The following SNX10 variants were observed in gnomAD, a reference collection of about 807,000 sequenced individuals.
The protein encoded by SNX10 is sorting nexin-10.
Under a neutral mutation model 28.5 loss-of-function variants are expected in SNX10, and 25 were observed. The observed-to-expected ratio is 0.88, with a 90% CI of 0.64 to 1.22. The LOEUF (loss-of-function observed/expected upper bound fraction) is 1.22, where lower values mean the gene tolerates loss of function less well. Ranked by LOEUF, SNX10 falls within the 50% of genes most tolerant of loss-of-function variation. The pLI is 0.00. For missense variants in SNX10, 223 were observed against 242.6 expected (o/e 0.92, Z 0.54); for synonymous variants, 62 against 81.4 (o/e 0.76, Z 1.28).
intron 3 of SNX10, among the ~76,000 whole-genome samples, chr7:26,363,328 A>G (rs2698719): frequency 0.22 from 33,829 of 152,166 alleles, 4,403 homozygotes; most frequent in East Asian, 0.32. Context: ...ACCATGTCAT[A>G]TATTTCATGA....
chr7:26,336,637 G>A (rs766793258), intron 1 of SNX10, among the ~76,000 whole-genome samples: 4 of 152,182 alleles, frequency 2.6e-5, no homozygotes, highest in Admixed American at 6.5e-5. Flanking sequence ...CCCAGGAGGC[G>A]GAGGTTGCAG....
chr7:26,372,401 A>G, intron 6 of SNX10, 90 bp from the exon 7 acceptor site: 1 of 829,920 alleles, frequency 1.2e-6, no homozygotes, highest in Non-Finnish European at 2.1e-6. Flanking sequence ...ACTGGAGATA[A>G]TTAAAGTTCT....
chr7:26,360,993 G>A lies in SNX10; in HGVS notation c.43G>A (p.Val15Ile), dbSNP rs1329294019. The A allele has an allele frequency of 6.2e-7, 1 of 1,613,058 alleles. No homozygotes were observed. The highest frequency in any genetic ancestry group is 1.1e-5 in the South Asian group (1 of 91,012). The part of the protein sequence containing the change: ...QQKEEFVSVW[V>I]RDPRIQKEDF... ...ATTACAGGAATTTGTAAGTGTCTGG[G>A]TTCGAGATCCTAGGATTCAGAAGGA... is the stretch of plus-strand genomic sequence containing the variant. Residue 15 changes from valine to isoleucine, a missense_variant, in exon 3 of 7, where the codon GTT becomes ATT. Transcript: ENST00000338523.
chr7:26,330,168 G>A (rs1383221733), intron 1 of SNX10, among the ~76,000 whole-genome samples: 4 of 152,012 alleles, frequency 2.6e-5, no homozygotes, highest in South Asian at 2.1e-4. Context: ...GCAAGAGCCC[G>A]GAATGTTAGG....
rs865884935 is a variant in SNX10 at position 26,360,792 on chromosome 7, G to A, written c.25-183G>A. ...AAAAATTCCATTATGTGGCAAAAGT[G>A]TGTTCTAGATTTGCTCGTGGTGCCT... On this transcript the variant is annotated intron_variant, in intron 2 of 6. Coordinates refer to ENST00000338523, the MANE Select transcript of SNX10 (RefSeq NM_013322.3). 99 of 984,024 alleles carry A rather than the reference G, an allele frequency of 1.0e-4. No homozygotes were observed. The South Asian group carries it at 2.2e-3, about 22-fold the overall frequency. 61.0% of individuals were successfully genotyped at this position (984,024 alleles called of 1,614,324 possible). A position where few individuals can be genotyped will look rare whatever the true frequency, so the allele number is the denominator to read the frequency against.
At chr7:26,313,404 T>C (rs1201617795) in intron 1 of SNX10, among the ~76,000 whole-genome samples, 3 of 152,218 alleles carry the variant, frequency 2.0e-5, no homozygotes, top group African/African-American at 4.8e-5. Context: ...TTCTTCCCAA[T>C]GCTGTTGCTT....
intron 2 of SNX10, among the ~76,000 whole-genome samples, chr7:26,349,508 G>A (rs979835528): frequency 1.3e-5 from 2 of 152,200 alleles, no homozygotes; most frequent in East Asian, 1.9e-4. Context: ...ATTCCCAGGA[G>A]AGCAGTATCC....
In SNX10 at chr7:26,364,663, A is replaced by G. The variant is rs751952341; in HGVS notation, c.212+28A>G. On this transcript the variant is annotated intron_variant, in intron 4 of 6. Transcript: ENST00000338523. The surrounding 1 kb of genome is among the most constrained non-coding windows in gnomAD (Gnocchi z 4.9). Reference sequence around the variant, plus strand: ...AAGTGATTTAGAGTATACTGTGGAGACTTTGTCATTATATTCAGTATTTAA... The same window carrying G: ...AAGTGATTTAGAGTATACTGTGGAGGCTTTGTCATTATATTCAGTATTTAA... 8 of 1,487,904 alleles carry G rather than the reference A, an allele frequency of 5.4e-6. No individual in the cohort carries two copies. Among genetic ancestry groups the G allele is most frequent in the South Asian group, 4.6e-5 (4 of 86,140 alleles). 92.2% of individuals were successfully genotyped at this position (1,487,904 alleles called of 1,614,324 possible).
At chr7:26,362,267 A>G (rs1352277258) in intron 3 of SNX10, among the ~76,000 whole-genome samples, 1 of 152,220 alleles carries the variant, frequency 6.6e-6, no homozygotes, top group East Asian at 1.9e-4. Flanking sequence ...TGACTATATA[A>G]GAATAAGCAT....
intron 2 of SNX10, among the ~76,000 whole-genome samples, chr7:26,352,153 C>T (rs1292540952): frequency 2.0e-5 from 3 of 152,002 alleles, no homozygotes; most frequent in Non-Finnish European, 4.4e-5. Context: ...TATTTTAAAA[C>T]AAATATCATT....
rs768037608 is a variant in SNX10 at position 26,365,122 on chromosome 7, G to C, written c.288G>C (p.Gln96His). Residue 96 changes from glutamine to histidine, a missense_variant, in exon 5 of 7, where the codon CAG becomes CAC. Coordinates refer to ENST00000338523, the MANE Select transcript of SNX10 (RefSeq NM_013322.3). ...NNRQHVDQRR[Q>H]GLEDFLRKVL... ...GCCAGCACGTGGATCAGCGTCGCCA[G>C]GGTCTGGAAGATTTCCTCAGAAAGT... 6.2e-7 allele frequency: 1 copy of C among 1,612,054 alleles called. No individual in the cohort carries two copies. Among genetic ancestry groups the C allele is most frequent in the South Asian group, 1.1e-5 (1 of 91,028 alleles).
chr7:26,305,336 A>T (rs73066415), intron 1 of SNX10, among the ~76,000 whole-genome samples: 7,809 of 152,284 alleles, frequency 0.051, 475 homozygotes, highest in African/African-American at 0.14. Flanking sequence ...TATGTAGGGA[A>T]CCAACACTCC....
At chr7:26,331,971 A>G (rs926063740) in intron 1 of SNX10, among the ~76,000 whole-genome samples, 7 of 152,226 alleles carry the variant, frequency 4.6e-5, no homozygotes, top group African/African-American at 1.7e-4. Context: ...ATAATACTCC[A>G]TTGAGTAGAT....
chr7:26,311,245 G>A lies in SNX10; in HGVS notation c.-24+19159G>A, dbSNP rs114207363. The stretch of plus-strand genomic sequence containing the variant: ...AGCTCAGTACAACCTCCGCCTCTCG[G>A]GTTCAAGGATTCTCATGCCTTAGCC... On this transcript the variant is annotated intron_variant, in intron 1 of 6. Coordinates refer to ENST00000338523, the MANE Select transcript of SNX10 (RefSeq NM_013322.3). Among the ~76,000 whole-genome samples the A allele has an allele frequency of 9.1e-4, 138 of 152,286 alleles. 1 individual carries two copies. The highest frequency in any genetic ancestry group is 2.7e-3 in the African/African-American group (111 of 41,564).
intron 1 of SNX10, among the ~76,000 whole-genome samples, chr7:26,342,426 C>T (rs1022288798): frequency 2.0e-5 from 3 of 152,202 alleles, no homozygotes; most frequent in African/African-American, 7.2e-5. Flanking sequence ...GAATTTCCTT[C>T]TCCCCACCAG....
intron 1 of SNX10, among the ~76,000 whole-genome samples, chr7:26,334,575 G>A (rs1787854567): frequency 6.6e-6 from 1 of 151,920 alleles, no homozygotes; most frequent in African/African-American, 2.4e-5. Context: ...AATTTTTTTT[G>A]TTTCTTGGAT....
chr7:26,320,796 G>A (rs969335875), intron 1 of SNX10, among the ~76,000 whole-genome samples: 1 of 152,176 alleles, frequency 6.6e-6, no homozygotes, highest in Non-Finnish European at 1.5e-5. Context: ...GAATCATGCT[G>A]CTATTGTTCA....
intron 1 of SNX10, among the ~76,000 whole-genome samples, chr7:26,316,211 GT>G (rs914947305): frequency 2.0e-5 from 3 of 150,762 alleles, no homozygotes; most frequent in Non-Finnish European, 4.4e-5. Context: ...AAAACCTAGA[GT>G]AAAAAAAATG....
chr7:26,317,659 C>CTTTTTTT (rs11310428), intron 1 of SNX10, among the ~76,000 whole-genome samples: 2 of 106,218 alleles, frequency 1.9e-5, no homozygotes, highest in African/African-American at 3.5e-5. Context: ...CTTCTTTGAT[C>CTTTTTTT]TTTTTTTTTT....
Sources: gnomAD v4.1 joint callset for allele counts (sites outside exome capture counted in the v4.1 genomes callset) on GRCh38, gnomAD v4.1.1 for gene constraint, Gnocchi (gnomAD v3.1) non-coding constraint, MANE v1.5 for transcripts, NCBI Gene and HGNC (gene_info 2026-07-23, HGNC 2026-07-21) for gene names.